Variants in NALF1 observed in about 807,000 individuals in gnomAD.
NALF1 encodes NALCN channel auxiliary factor 1.
NALF1 carries 3 observed loss-of-function variants against 48.4 expected under a neutral mutation model. That is an observed-to-expected ratio of 0.06 (90% CI 0.03 to 0.16). The LOEUF is 0.16. Among genes scored for constraint, NALF1 ranks in the 10% least tolerant of loss-of-function variants. The pLI is 1.00. For synonymous variants in NALF1, 262 were observed against 245.7 expected (o/e 1.07, Z -0.62); for missense variants, 526 against 571.5 (o/e 0.92, Z 0.81).
At chr13:107,742,710 A>G (rs183437157) in intron 1 of NALF1, among the ~76,000 whole-genome samples, 3 of 152,284 alleles carry the variant, frequency 2.0e-5, no homozygotes, top group African/African-American at 7.2e-5. Flanking sequence ...TCCCCTGGTT[A>G]TTTCCTTCAA....
intron 1 of NALF1, among the ~76,000 whole-genome samples, chr13:107,266,301 T>C (rs563225265): frequency 5.3e-5 from 8 of 152,302 alleles, no homozygotes; most frequent in Admixed American, 4.6e-4. Flanking sequence ...ATCCCTATTA[T>C]GTTATCATTT....
chr13:107,758,426 A>G (rs1298273786), intron 1 of NALF1, among the ~76,000 whole-genome samples: 2 of 152,230 alleles, frequency 1.3e-5, no homozygotes, highest in African/African-American at 4.8e-5. Context: ...CTGAGTCCAT[A>G]AAAAGCATGT....
intron 1 of NALF1, among the ~76,000 whole-genome samples, chr13:107,298,670 T>G (rs928708249): frequency 7.2e-5 from 11 of 151,990 alleles, no homozygotes; most frequent in African/African-American, 2.4e-4. Context: ...GACCTCAGGA[T>G]CCACCCGCCT....
At position 107,714,162 on chromosome 13, in the gene NALF1, T is replaced by G. The variant is rs945251966; in HGVS notation, c.915+151520A>C. On this transcript the variant is annotated intron_variant, in intron 1 of 2. Coordinates refer to ENST00000375915, the MANE Select transcript of NALF1 (RefSeq NM_001080396.3). ...ATGTTATCAAAGAAAGAAGCTCTTT[T>G]GTGATGACATATGTTGATATAAAGA... Among the ~76,000 whole-genome samples the G allele has an allele frequency of 3.9e-5, 6 of 152,252 alleles. No homozygotes were observed. The East Asian group carries it at 1.2e-3, about 29-fold the overall frequency.
At chr13:107,617,390 T>C (rs954032088) in intron 1 of NALF1, among the ~76,000 whole-genome samples, 1 of 152,204 alleles carries the variant, frequency 6.6e-6, no homozygotes, top group Non-Finnish European at 1.5e-5. Flanking sequence ...CAAAGGATTC[T>C]ATGTTTGGCT....
At chr13:107,603,443 TG>T (rs1366372370) in intron 1 of NALF1, among the ~76,000 whole-genome samples, 4 of 152,236 alleles carry the variant, frequency 2.6e-5, no homozygotes, top group African/African-American at 9.6e-5. Context: ...AATGAGTTAT[TG>T]TTTTTAGAGA....
intron 1 of NALF1, among the ~76,000 whole-genome samples, chr13:107,749,128 T>TTGTGTGTGTGTGTGTGTGTG (rs58213843): frequency 8.1e-5 from 12 of 147,450 alleles, no homozygotes; most frequent in African/African-American, 2.5e-4. Flanking sequence ...ATGTCTATAA[T>TTGTGTGTGTGTGTGTGTGTG]TGTGTGTGTG....
At chr13:107,826,375 G>A (rs1347537863) in intron 1 of NALF1, among the ~76,000 whole-genome samples, 1 of 152,056 alleles carries the variant, frequency 6.6e-6, no homozygotes. Flanking sequence ...AGCTGACAGG[G>A]TGTTCCTCAG....
intron 1 of NALF1, among the ~76,000 whole-genome samples, chr13:107,323,464 T>C (rs567222569): frequency 6.6e-6 from 1 of 152,328 alleles, no homozygotes; most frequent in East Asian, 1.9e-4. Flanking sequence ...TTGATCTGCC[T>C]CTGAGTTTAT....
chr13:107,614,760 TTTTC>T (rs1276463813), intron 1 of NALF1, among the ~76,000 whole-genome samples: 6 of 151,720 alleles, frequency 4.0e-5, no homozygotes, highest in Non-Finnish European at 2.9e-5. Flanking sequence ...GCATCTCTTT[TTTTC>T]TTTTTTTTTT....
At chr13:107,470,813 T>C (rs1327472846) in intron 1 of NALF1, among the ~76,000 whole-genome samples, 1 of 152,142 alleles carries the variant, frequency 6.6e-6, no homozygotes, top group Non-Finnish European at 1.5e-5. Flanking sequence ...AATACACATA[T>C]ACATGTATAC....
intron 1 of NALF1, among the ~76,000 whole-genome samples, chr13:107,772,754 A>T (rs1192106249): frequency 6.6e-6 from 1 of 152,188 alleles, no homozygotes; most frequent in Non-Finnish European, 1.5e-5. Flanking sequence ...GCCTGTTAGA[A>T]GCCTATTAAA....
intron 1 of NALF1, among the ~76,000 whole-genome samples, chr13:107,609,911 T>C (rs145503274): frequency 1.5e-3 from 229 of 151,884 alleles, no homozygotes; most frequent in African/African-American, 5.3e-3. Context: ...AATCAAAATT[T>C]TAAAAGGGGA....
At position 107,789,784 on chromosome 13, in the gene NALF1, G is replaced by A. The variant is rs778500608; in HGVS notation, c.915+75898C>T. 5.9e-5 allele frequency among the ~76,000 whole-genome samples: 9 copies of A among 152,126 alleles called. No individual in the cohort carries two copies. The South Asian group carries it at 6.2e-4, about 11-fold the overall frequency. Reference sequence around the variant, plus strand: ...AGCCGAATGCCCATGCTCTCTGCACGGCAATATGCTGCCAGGGAGTTGGTT... The same window carrying A: ...AGCCGAATGCCCATGCTCTCTGCACAGCAATATGCTGCCAGGGAGTTGGTT... On this transcript the variant is annotated intron_variant, in intron 1 of 2. Transcript: ENST00000375915.
intron 1 of NALF1, among the ~76,000 whole-genome samples, chr13:107,642,760 A>G (rs966052786): frequency 2.6e-5 from 4 of 152,214 alleles, no homozygotes; most frequent in Non-Finnish European, 5.9e-5. Flanking sequence ...AGTGCCTAAC[A>G]CTTAACATAG....
At chr13:107,203,477 A>T (rs1328878087) in intron 2 of NALF1, among the ~76,000 whole-genome samples, 1 of 152,184 alleles carries the variant, frequency 6.6e-6, no homozygotes, top group Non-Finnish European at 1.5e-5. Context: ...GCAAAGGGTG[A>T]CTTTCCTTCC....
At chr13:107,849,293 A>C (rs1338170844) in intron 1 of NALF1, among the ~76,000 whole-genome samples, 1 of 152,210 alleles carries the variant, frequency 6.6e-6, no homozygotes, top group East Asian at 1.9e-4. Flanking sequence ...AGGTTATAAC[A>C]ACCTTGCTTC....
At chr13:107,575,559 G>C (rs1388463178) in intron 1 of NALF1, among the ~76,000 whole-genome samples, 1 of 152,106 alleles carries the variant, frequency 6.6e-6, no homozygotes, top group African/African-American at 2.4e-5. Context: ...AGCCAAGAAG[G>C]CTCCATATAA....
At chr13:107,658,479 T>A (rs1880643263) in intron 1 of NALF1, among the ~76,000 whole-genome samples, 1 of 152,170 alleles carries the variant, frequency 6.6e-6, no homozygotes, top group Admixed American at 6.6e-5. Context: ...CCTCAAACTG[T>A]ACTTCAGGTT....
Sources: allele counts gnomAD v4.1 joint callset (sites outside exome capture counted in the v4.1 genomes callset), GRCh38; gene constraint gnomAD v4.1.1; transcripts MANE v1.5; gene names NCBI Gene and HGNC (gene_info 2026-07-23, HGNC 2026-07-21).